Variants in PRKCH observed in about 807,000 individuals in gnomAD.
The protein encoded by PRKCH is protein kinase C eta type.
Under a neutral mutation model 82.5 loss-of-function variants are expected in PRKCH, and 28 were observed. The observed-to-expected ratio is 0.34, with a 90% CI of 0.25 to 0.47. The LOEUF (loss-of-function observed/expected upper bound fraction) is 0.47, where lower values mean the gene tolerates loss of function less well. PRKCH is among the 20% of genes least tolerant of loss of function. The probability of loss-of-function intolerance (pLI) is 1.00; values close to 1 mark genes in which losing one functional copy is unlikely to be tolerated. For missense variants in PRKCH, 705 were observed against 881.8 expected, an observed-to-expected ratio of 0.80 and a Z score of 2.54; for synonymous variants, 322 against 327.4, an observed-to-expected ratio of 0.98 and a Z score of 0.18.
chr14:61,435,448 C>T (rs527683186), intron 2 of PRKCH, among the ~76,000 whole-genome samples: 12 of 151,718 alleles, frequency 7.9e-5, no homozygotes, highest in Non-Finnish European at 1.2e-4. Flanking sequence ...TGGAGGAGGC[C>T]GAGAAGAGGG....
chr14:61,360,885 A>G (rs1366717807), intron 1 of PRKCH, among the ~76,000 whole-genome samples: 3 of 152,224 alleles, frequency 2.0e-5, no homozygotes, highest in African/African-American at 7.2e-5. Context: ...AGTACCCTAG[A>G]TGGTGGGAGA....
intron 1 of PRKCH, among the ~76,000 whole-genome samples, chr14:61,345,834 T>C (rs1360880769): frequency 6.7e-6 from 1 of 149,800 alleles, no homozygotes; most frequent in Non-Finnish European, 1.5e-5. Context: ...AGCCCAGGAG[T>C]TTGAGACCAG....
At chr14:61,379,009 T>C (rs2046462107) in intron 1 of PRKCH, among the ~76,000 whole-genome samples, 1 of 152,226 alleles carries the variant, frequency 6.6e-6, no homozygotes, top group Non-Finnish European at 1.5e-5. Flanking sequence ...ACTTTCCTGA[T>C]TGAAACCCCT....
At position 61,234,529 on chromosome 14, in the gene PRKCH, G is replaced by A. The variant is rs12588875; in HGVS notation, c.-19+46861G>A. ...AGCATGAGCACACACTCATGAAGGT[G>A]TGCAAGCCAGCCCTTCCTGCATTTA... On this transcript the variant is annotated intron_variant, in intron 1 of 3. Transcript: ENST00000555185. Among the ~76,000 whole-genome samples, 838 of 152,246 alleles carry A rather than the reference G, an allele frequency of 5.5e-3. 29 individuals are homozygous for A. The East Asian group carries it at 0.1, about 18-fold the overall frequency.
chr14:61,299,085 T>A (rs980857631), intron 1 of PRKCH, among the ~76,000 whole-genome samples: 1 of 152,162 alleles, frequency 6.6e-6, no homozygotes, highest in Non-Finnish European at 1.5e-5. Flanking sequence ...CACTATCTTA[T>A]GTTCAAAGAT....
In PRKCH at chr14:61,258,779, A is replaced by T. The variant is rs552763513; in HGVS notation, c.-19+71111A>T. Reference sequence around the variant, plus strand: ...TATTTTGTGGGCTTTAATCATTTTAAATTGCCTTAACTTTGCCCATTTTCT... The same window carrying T: ...TATTTTGTGGGCTTTAATCATTTTATATTGCCTTAACTTTGCCCATTTTCT... On this transcript the variant is annotated intron_variant, in intron 1 of 3. Coordinates refer to the PRKCH transcript ENST00000555185. 1.2e-4 allele frequency among the ~76,000 whole-genome samples: 19 copies of T among 152,248 alleles called. 1 individual carries two copies. In the South Asian group the frequency reaches 3.5e-3, roughly 28 times the overall value.
chr14:61,268,659 C>T (rs756384649), intron 1 of PRKCH, among the ~76,000 whole-genome samples: 41 of 152,116 alleles, frequency 2.7e-4, no homozygotes, highest in Non-Finnish European at 4.3e-4. Context: ...CAGGGCAAGA[C>T]GCTGCCCCCT....
chr14:61,537,719 A>T (rs2043130306), intron 12 of PRKCH: 1 of 152,220 alleles, frequency 6.6e-6, no homozygotes, highest in African/African-American at 2.4e-5. Context: ...TGCTGAAAGG[A>T]GCTGGGTGCA....
chr14:61,478,793 C>T (rs535838133), intron 9 of PRKCH, among the ~76,000 whole-genome samples: 1 of 152,178 alleles, frequency 6.6e-6, no homozygotes, highest in South Asian at 2.1e-4. Context: ...CCCAGAAGTT[C>T]AGCGCTGCAG....
Position 61,416,053 on chromosome 14 carries a change from C to CTTTTTTTTTTTTTTTTT in PRKCH, c.427+24770_427+24786dup, listed in dbSNP as rs71117815. Among the ~76,000 whole-genome samples the CTTTTTTTTTTTTTTTTT allele has an allele frequency of 1.3e-3, 121 of 94,154 alleles. 3 individuals are homozygous for CTTTTTTTTTTTTTTTTT. The highest frequency in any genetic ancestry group is 1.9e-3 in the Non-Finnish European group (99 of 51,672). 61.8% of individuals were successfully genotyped at this position (94,154 alleles called of 152,430 possible). A position where few individuals can be genotyped will look rare whatever the true frequency, so the allele number is the denominator to read the frequency against. On this transcript the variant is annotated intron_variant, in intron 2 of 13. Coordinates refer to ENST00000332981, the MANE Select transcript of PRKCH (RefSeq NM_006255.5). Reference sequence around the variant, plus strand: ...CCTCTTTTTTCTTTTCTTTTCTTTTCTTTTTTTTTTTTTTTTTTTTTGAGA... The same window carrying CTTTTTTTTTTTTTTTTT: ...CCTCTTTTTTCTTTTCTTTTCTTTTCTTTTTTTTTTTTTTTTTTTTTTTTTTTTTTTTTTTTTTGAGA...
chr14:61,219,329 T>C (rs1425129893), intron 1 of PRKCH, among the ~76,000 whole-genome samples: 1 of 152,244 alleles, frequency 6.6e-6, no homozygotes, highest in African/African-American at 2.4e-5. Context: ...AAATATGGAA[T>C]GGCAACCATA....
At chr14:61,366,031 C>T (rs2046292883) in intron 1 of PRKCH, among the ~76,000 whole-genome samples, 1 of 151,984 alleles carries the variant, frequency 6.6e-6, no homozygotes, top group African/African-American at 2.4e-5. Flanking sequence ...ACCACTTATG[C>T]CTTACCTTGT....
chr14:61,536,184 A>ACTT (rs10647032), intron 12 of PRKCH, among the ~76,000 whole-genome samples: 3 of 151,486 alleles, frequency 2.0e-5, no homozygotes, highest in Admixed American at 6.6e-5. Flanking sequence ...CACCCTCATG[A>ACTT]TTTTTTGCCA....
intron 1 of PRKCH, among the ~76,000 whole-genome samples, chr14:61,239,555 G>A (rs2044818357): frequency 6.6e-6 from 1 of 152,180 alleles, no homozygotes; most frequent in Non-Finnish European, 1.5e-5. Flanking sequence ...TCCTGCTTCT[G>A]CTATCTTGCT....
chr14:61,247,382 A>C (rs1246150974), intron 1 of PRKCH, among the ~76,000 whole-genome samples: 1 of 152,102 alleles, frequency 6.6e-6, no homozygotes, highest in Non-Finnish European at 1.5e-5. Flanking sequence ...GGTTTAAATG[A>C]AAATCCAAGA....
At chr14:61,210,113 T>C (rs57852978) in intron 1 of PRKCH, among the ~76,000 whole-genome samples, 108 of 6,776 alleles carry the variant, frequency 0.016, no homozygotes, top group South Asian at 0.066. Flanking sequence ...AACAAACAAA[T>C]ATATATATAT....
At chr14:61,221,202 G>T (rs918528828) in intron 1 of PRKCH, among the ~76,000 whole-genome samples, 2 of 152,154 alleles carry the variant, frequency 1.3e-5, no homozygotes, top group African/African-American at 4.8e-5. Context: ...GAGCCCACGG[G>T]TTACCGAGAA....
chr14:61,508,350 T>C (rs186809751), intron 10 of PRKCH, among the ~76,000 whole-genome samples: 71 of 152,244 alleles, frequency 4.7e-4, no homozygotes, highest in Non-Finnish European at 8.4e-4. Flanking sequence ...GCACAGATCA[T>C]AGAATCAAAG....
intron 12 of PRKCH, 50 bp from the exon 13 acceptor site, chr14:61,547,693 G>A (rs765404702): frequency 6.3e-7 from 1 of 1,583,162 alleles, no homozygotes; most frequent in Non-Finnish European, 8.6e-7. Flanking sequence ...CTTGTGACGT[G>A]CTGGTTGTAT....
Sources: gnomAD v4.1 joint callset for allele counts (sites outside exome capture counted in the v4.1 genomes callset) on GRCh38, gnomAD v4.1.1 for gene constraint, MANE v1.5 for transcripts, NCBI Gene and HGNC (gene_info 2026-07-23, HGNC 2026-07-21) for gene names.